The following CCDC33 variants were observed in gnomAD, a reference collection of about 807,000 sequenced individuals.
The protein encoded by CCDC33 is coiled-coil domain-containing protein 33.
CCDC33 carries 94 observed loss-of-function variants against 91.9 expected under a neutral mutation model. The observed-to-expected ratio is 1.02, with a 90% CI of 0.87 to 1.21. The LOEUF is 1.21. CCDC33 is among the 50% of genes most tolerant of loss of function. The pLI, the probability that CCDC33 is intolerant of heterozygous loss-of-function variation, is 0.00. For missense variants in CCDC33, 940 were observed against 935.5 expected, an observed-to-expected ratio of 1.00 and a Z score of -0.06; for synonymous variants, 396 against 374.5, an observed-to-expected ratio of 1.06 and a Z score of -0.66.
At chr15:74,311,591 A>G (rs994385174) in intron 11 of CCDC33, 4 of 152,168 alleles carry the variant, frequency 2.6e-5, no homozygotes, top group African/African-American at 9.7e-5. Context: ...TCCCAGAAAG[A>G]GTGTGTGGGA....
chr15:74,280,249 G>A (rs114872868), intron 8 of CCDC33, among the ~76,000 whole-genome samples, 157 bp downstream of exon 8: 3,877 of 152,316 alleles, frequency 0.025, 155 homozygotes, highest in African/African-American at 0.089. Flanking sequence ...AGCTGGCTGC[G>A]TTCCTTGTCC....
intron 11 of CCDC33, among the ~76,000 whole-genome samples, chr15:74,297,066 TG>T (rs1190308474): frequency 6.6e-6 from 1 of 152,218 alleles, no homozygotes; most frequent in Non-Finnish European, 1.5e-5. Flanking sequence ...TGCACCTTTC[TG>T]GAACATGTCC....
At chr15:74,296,398 G>A (rs2059687361) in intron 11 of CCDC33, among the ~76,000 whole-genome samples, 1 of 152,176 alleles carries the variant, frequency 6.6e-6, no homozygotes, top group African/African-American at 2.4e-5. Flanking sequence ...GCCAAGGCGG[G>A]CGGGTCACCC....
intron 11 of CCDC33, among the ~76,000 whole-genome samples, chr15:74,327,259 T>C (rs563443850): frequency 5.1e-4 from 78 of 152,226 alleles, no homozygotes; most frequent in African/African-American, 1.7e-3. Flanking sequence ...GGACGCGGCC[T>C]CACCAGAAGC....
intron 10 of CCDC33, among the ~76,000 whole-genome samples, chr15:74,291,833 G>C (rs968811877): frequency 6.6e-6 from 1 of 152,196 alleles, no homozygotes; most frequent in African/African-American, 2.4e-5. Context: ...CCATTGGCCT[G>C]GTCTGTCTCA....
intron 2 of CCDC33, among the ~76,000 whole-genome samples, chr15:74,252,757 G>T (rs1413396908): frequency 1.3e-5 from 2 of 152,186 alleles, no homozygotes; most frequent in Non-Finnish European, 2.9e-5. Context: ...CCTGGGGTGA[G>T]GCCTGGGAAC....
chr15:74,223,186 T>C (rs937959395), intron 2 of CCDC33, among the ~76,000 whole-genome samples: 1 of 152,092 alleles, frequency 6.6e-6, no homozygotes, highest in Non-Finnish European at 1.5e-5. Flanking sequence ...GTTTCCCTCA[T>C]CTTCTGAAGC....
chr15:74,276,619 C>T lies in CCDC33; in HGVS notation c.760-3344C>T, dbSNP rs2076457721. On this transcript the variant is annotated intron_variant, in intron 7 of 18. Transcript: ENST00000398814. ...CCTGCCTAGCCCTTCCCCTGGGCCC[C>T]CTGTTACTATCACGACAAGGCAAAT... Among the ~76,000 whole-genome samples the T allele has an allele frequency of 7.2e-5, 11 of 152,210 alleles. No individual in the cohort carries two copies. The South Asian group carries it at 2.3e-3, about 32-fold the overall frequency.
upstream of CCDC33, among the ~76,000 whole-genome samples, chr15:74,233,960 G>C (rs529364130): frequency 5.3e-5 from 8 of 152,298 alleles, no homozygotes; most frequent in African/African-American, 1.9e-4. Flanking sequence ...AGGCGGGGGC[G>C]TCTCTGGAAG....
chr15:74,241,395 G>A (rs778906114), intron 1 of CCDC33, among the ~76,000 whole-genome samples: 4 of 152,220 alleles, frequency 2.6e-5, no homozygotes, highest in Non-Finnish European at 5.9e-5. Context: ...GACACCCAGG[G>A]TGGAGCAGAG....
chr15:74,255,413 C>G (rs2075831272), intron 2 of CCDC33, among the ~76,000 whole-genome samples: 1 of 152,224 alleles, frequency 6.6e-6, no homozygotes, highest in Non-Finnish European at 1.5e-5. Context: ...TCAGGAGGCC[C>G]TGGGGTTTTA....
chr15:74,316,041 C>T lies in CCDC33; in HGVS notation c.1291-14148C>T, dbSNP rs2060082857. Reference sequence around the variant, plus strand: ...TCCCTTAGCTCCACAAAGAGCCCTGCCCTAGTCTTCACATAGTAATTGTCT... The same window carrying T: ...TCCCTTAGCTCCACAAAGAGCCCTGTCCTAGTCTTCACATAGTAATTGTCT... On this transcript the variant is annotated intron_variant, in intron 11 of 18. Transcript: ENST00000398814. The surrounding 1 kb of genome is among the most constrained non-coding windows in gnomAD (Gnocchi z 4.7). Among the ~76,000 whole-genome samples the T allele has an allele frequency of 6.6e-6, 1 of 152,218 alleles. No individual in the cohort carries two copies.
At chr15:74,220,495 G>A (rs1444462062) in intron 2 of CCDC33, among the ~76,000 whole-genome samples, 1 of 152,186 alleles carries the variant, frequency 6.6e-6, no homozygotes, top group African/African-American at 2.4e-5. Context: ...CTGTGAACTC[G>A]GAAGAAGCTG....
exon 1 of CCDC33, chr15:74,203,093 A>T: frequency 1.0e-6 from 1 of 985,504 alleles, no homozygotes; most frequent in African/African-American, 1.7e-5. Context: ...TTACAGCAAC[A>T]ACCGAGTGAG....
intron 2 of CCDC33, among the ~76,000 whole-genome samples, chr15:74,229,889 A>T (rs2074914110): frequency 6.6e-6 from 1 of 152,244 alleles, no homozygotes; most frequent in Non-Finnish European, 1.5e-5. Context: ...CCCACAGTGG[A>T]TCATGAGCCA....
intron 11 of CCDC33, among the ~76,000 whole-genome samples, chr15:74,297,797 C>T (rs2059717257): frequency 6.6e-6 from 1 of 152,184 alleles, no homozygotes; most frequent in Non-Finnish European, 1.5e-5. Flanking sequence ...AGAAGGCATC[C>T]CTCCCTGGTC....
intron 8 of CCDC33, 43 bp from the exon 9 acceptor site, chr15:74,280,625 G>T (rs188599476): frequency 2.1e-6 from 3 of 1,435,348 alleles, no homozygotes; most frequent in East Asian, 5.3e-5. Context: ...TGGGGCCGAG[G>T]TGGGGGCTTT....
intron 7 of CCDC33, among the ~76,000 whole-genome samples, chr15:74,277,404 G>A (rs1408420838): frequency 1.3e-5 from 2 of 152,340 alleles, no homozygotes; most frequent in African/African-American, 4.8e-5. Flanking sequence ...GAAATAAGGC[G>A]GTGGGCGTGG....
chr15:74,285,021 G>T (rs933237993), intron 10 of CCDC33, among the ~76,000 whole-genome samples: 1 of 152,270 alleles, frequency 6.6e-6, no homozygotes, highest in Non-Finnish European at 1.5e-5. Flanking sequence ...CAGCTGCCGA[G>T]GCTTGTGATA....
Sources: gnomAD v4.1 joint callset for allele counts (sites outside exome capture counted in the v4.1 genomes callset) on GRCh38, gnomAD v4.1.1 for gene constraint, Gnocchi (gnomAD v3.1) non-coding constraint, MANE v1.5 for transcripts, NCBI Gene and HGNC (gene_info 2026-07-23, HGNC 2026-07-21) for gene names.